The following IL3RA variants were observed in gnomAD, a reference collection of about 807,000 sequenced individuals.
IL3RA encodes interleukin-3 receptor subunit alpha.
In IL3RA, 73 loss-of-function variants were observed where a neutral mutation model predicts 52.3. The ratio of observed to expected loss-of-function variants is 1.40; its 90% CI spans 1.16 to 1.70. The LOEUF (loss-of-function observed/expected upper bound fraction) is 1.70. IL3RA is among the 40% of genes most tolerant of loss of function. The pLI is 0.00. For missense variants in IL3RA, 664 were observed against 504.4 expected, an observed-to-expected ratio of 1.32 and a Z score of -3.03; for synonymous variants, 260 against 194.0, an observed-to-expected ratio of 1.34 and a Z score of -2.83.
At chrX:1,339,168 G>A (rs2085399667) in intron 1 of IL3RA, among the ~76,000 whole-genome samples, 1 of 152,072 alleles carries the variant, frequency 6.6e-6, no homozygotes, top group Non-Finnish European at 1.5e-5. Context: ...TAAATGTTAA[G>A]AGCACAGATT....
intron 8 of IL3RA, 137 bp downstream of exon 8, chrX:1,359,024 A>G (rs1464066928): frequency 7.8e-6 from 5 of 642,426 alleles, no homozygotes; most frequent in African/African-American, 7.0e-5. Context: ...AATAAATGTT[A>G]TTATTCAATG....
intron 2 of IL3RA, among the ~76,000 whole-genome samples, chrX:1,345,076 G>A (rs1179174365): frequency 6.6e-6 from 1 of 151,462 alleles, no homozygotes; most frequent in African/African-American, 2.4e-5. Flanking sequence ...GGCTGAGGCA[G>A]GAGAGTTGCT....
rs1398879223 is a variant in IL3RA at position 1,348,484 on chromosome X, C to G, written c.237C>G (p.Thr79=). The G allele has an allele frequency of 3.7e-6, 6 of 1,613,850 alleles. No individual in the cohort carries two copies. The highest frequency in any genetic ancestry group is 5.1e-6 in the Non-Finnish European group (6 of 1,179,838). ...QFGAISLCEV[T]NYTVRVANPP... is the part of the protein sequence containing the mutation. Reference sequence around the variant, plus strand: ...GAGCAATTTCCTTATGTGAAGTGACCAACTACACCGTCCGAGTGGCCAACC... The same window carrying G: ...GAGCAATTTCCTTATGTGAAGTGACGAACTACACCGTCCGAGTGGCCAACC... Residue 79 remains threonine, a synonymous_variant, in exon 4 of 12, where the codon ACC becomes ACG. Coordinates refer to ENST00000331035, the MANE Select transcript of IL3RA (RefSeq NM_002183.4).
chrX:1,339,181 C>T (rs1466275329), intron 1 of IL3RA, among the ~76,000 whole-genome samples: 1 of 152,052 alleles, frequency 6.6e-6, no homozygotes, highest in African/African-American at 2.4e-5. Context: ...CACAGATTTC[C>T]CAACGTTCTG....
chrX:1,360,621 C>T (rs1215871263), intron 8 of IL3RA, among the ~76,000 whole-genome samples: 1 of 151,938 alleles, frequency 6.6e-6, no homozygotes, highest in Admixed American at 6.6e-5. Context: ...CAGGTTCAAG[C>T]GAATCTACTC....
Position 1,345,358 on chromosome X carries a change from C to T in IL3RA, c.107C>T (p.Ala36Val). ...PITNLRMKAK[A>V]QQLTWDLNRN... ...ACGAACCTAAGGATGAAAGCAAAGG[C>T]TCAGCAGTTGACCTGGGACCTTAAC... The change falls in exon 3 of 12, where the codon GCT becomes GTT. Residue 36 changes from alanine to valine, a missense_variant. By Grantham distance (64) the Ala-to-Val change is moderately conservative. Transcript: ENST00000331035. 6.2e-7 allele frequency: 1 copy of T among 1,611,616 alleles called. No individual in the cohort carries two copies. The highest frequency in any genetic ancestry group is 2.2e-5 in the East Asian group (1 of 44,840).
chrX:1,364,799 TTTATTTATTTA>T (rs1569525901), intron 8 of IL3RA, among the ~76,000 whole-genome samples: 12 of 148,000 alleles, frequency 8.1e-5, no homozygotes, highest in Non-Finnish European at 1.0e-4. Context: ...CTTTTATTTA[TTTATTTATTTA>T]TTTATTTATT....
intron 7 of IL3RA, 103 bp from the exon 8 acceptor site, chrX:1,358,758 A>T: frequency 1.6e-6 from 2 of 1,268,708 alleles, no homozygotes; most frequent in South Asian, 2.4e-5. Flanking sequence ...CAGAGCCCTC[A>T]CTGTTTTGCT....
At chrX:1,341,979 C>G in intron 2 of IL3RA, 150 bp downstream of exon 2, 1 of 815,710 alleles carries the variant, frequency 1.2e-6, no homozygotes, top group South Asian at 1.6e-5. Flanking sequence ...TCAGACACTT[C>G]CCTGTACCCG....
In IL3RA at chrX:1,382,556, GC is replaced by G; in HGVS notation, c.*94del. 2 of 1,183,956 alleles carry G rather than the reference GC, an allele frequency of 1.7e-6. No individual in the cohort carries two copies. The highest frequency in any genetic ancestry group is 1.3e-6 in the Non-Finnish European group (1 of 789,106). 73.3% of individuals were successfully genotyped at this position (1,183,956 alleles called of 1,614,324 possible). A position where few individuals can be genotyped will look rare whatever the true frequency, so the allele number is the denominator to read the frequency against. Reference sequence around the variant, plus strand: ...ACTGGCTGCTGGACCTGCGCACGCAGCCCAGGAATGGACATTCCTAACGGGT... The same window carrying G: ...ACTGGCTGCTGGACCTGCGCACGCAGCCAGGAATGGACATTCCTAACGGGT... On this transcript the variant is annotated 3_prime_UTR_variant, in exon 12 of 12. Coordinates refer to ENST00000331035, the MANE Select transcript of IL3RA (RefSeq NM_002183.4).
intron 10 of IL3RA, 43 bp from the exon 11 acceptor site, chrX:1,380,980 T>C (rs1367195998): frequency 1.3e-6 from 2 of 1,522,570 alleles, no homozygotes; most frequent in Non-Finnish European, 1.8e-6. Context: ...GATGAGCTGG[T>C]CGGTTTTGGG....
In IL3RA at chrX:1,382,649, T is replaced by C. The variant is rs2089234719; in HGVS notation, c.*184T>C. On this transcript the variant is annotated 3_prime_UTR_variant, in exon 12 of 12. Coordinates refer to ENST00000331035, the MANE Select transcript of IL3RA (RefSeq NM_002183.4). ...CCAGGAAGAAGAACAGAACTTTGTGTGTTTATTTCATGATAAAGTGATTTT... is the reference window on the plus strand; with the variant it reads ...CCAGGAAGAAGAACAGAACTTTGTGCGTTTATTTCATGATAAAGTGATTTT... 1 of 630,206 alleles carries C rather than the reference T, an allele frequency of 1.6e-6. No individual in the cohort carries two copies. The highest frequency in any genetic ancestry group is 1.9e-5 in the African/African-American group (1 of 53,490). The allele number at this position is 630,206 out of a possible 1,614,324, so 39.0% of individuals were successfully genotyped here. A position where few individuals can be genotyped will look rare whatever the true frequency, so the allele number is the denominator to read the frequency against.
chrX:1,378,025 G>A (rs1276321011), intron 9 of IL3RA, among the ~76,000 whole-genome samples: 4 of 151,200 alleles, frequency 2.6e-5, no homozygotes, highest in South Asian at 2.1e-4. Context: ...ATCTCTATGA[G>A]AAATACAAAA....
At chrX:1,348,799 T>G (rs1481541072) in intron 4 of IL3RA, among the ~76,000 whole-genome samples, 1 of 147,832 alleles carries the variant, frequency 6.8e-6, no homozygotes, top group Non-Finnish European at 1.5e-5. Flanking sequence ...TTCTTTCTTT[T>G]CTTCACTTCC....
chrX:1,381,291 G>A (rs751279845), intron 11 of IL3RA, among the ~76,000 whole-genome samples, 187 bp downstream of exon 11: 9 of 152,160 alleles, frequency 5.9e-5, no homozygotes, highest in East Asian at 1.9e-4. Flanking sequence ...CCAGCTACTC[G>A]GGAGGCTGAG....
At chrX:1,345,012 AAAAAAAAT>A (rs1413634782) in intron 2 of IL3RA, among the ~76,000 whole-genome samples, 2 of 142,534 alleles carry the variant, frequency 1.4e-5, no homozygotes, top group Non-Finnish European at 3.1e-5. Context: ...AATACAAAAA[AAAAAAAAT>A]TAGCCGGGCG....
chrX:1,374,089 G>A (rs1398738199), intron 9 of IL3RA, among the ~76,000 whole-genome samples: 19 of 51,186 alleles, frequency 3.7e-4, no homozygotes, highest in East Asian at 8.7e-4. Context: ...AGAAGACGGC[G>A]TCTCCAAGCC....
In IL3RA at chrX:1,356,227, T is replaced by G; in HGVS notation, c.623T>G (p.Leu208Ter). Residue 208 changes from leucine (L) to a stop codon, truncating the protein, a stop_gained, in exon 7 of 12, where the codon TTA becomes TGA. Transcript: ENST00000331035. LOFTEE classifies it high-confidence loss of function. ...GTGTTTTTCTCGTTGCTAGAGATAT[T>G]AACTCCACCCAACATGACTGCAAAG... The part of the protein sequence containing the change: ...KFVVFSQIEI[L>*]TPPNMTAKCN... 4 of 1,599,018 alleles carry G rather than the reference T, an allele frequency of 2.5e-6. No individual in the cohort carries two copies. The highest frequency in any genetic ancestry group is 3.4e-6 in the Non-Finnish European group (4 of 1,167,368).
chrX:1,344,906 TA>T (rs1227080187), intron 2 of IL3RA, among the ~76,000 whole-genome samples: 1 of 149,862 alleles, frequency 6.7e-6, no homozygotes, highest in Non-Finnish European at 1.5e-5. Context: ...CTCATGCCTG[TA>T]ATCCCAGCAC....
Sources: gnomAD v4.1 joint callset for allele counts (sites outside exome capture counted in the v4.1 genomes callset) on GRCh38, gnomAD v4.1.1 for gene constraint, MANE v1.5 for transcripts, NCBI Gene and HGNC (gene_info 2026-07-23, HGNC 2026-07-21) for gene names.